Variants in PCDHA1 observed in about 807,000 individuals in gnomAD.
PCDHA1 encodes the protein protocadherin alpha-1.
In PCDHA1, 42 loss-of-function variants were observed where a neutral mutation model predicts 61.3. The ratio of observed to expected loss-of-function variants is 0.69; its 90% CI spans 0.54 to 0.89. PCDHA1 has a LOEUF of 0.89. Ranked by LOEUF, PCDHA1 falls within the 40% of genes least tolerant of loss-of-function variation. The probability of loss-of-function intolerance (pLI) is 0.00; values close to 1 mark genes in which losing one functional copy is unlikely to be tolerated. For missense variants in PCDHA1, 1,256 were observed against 1,235.3 expected (o/e 1.02, Z -0.25); for synonymous variants, 610 against 553.8 (o/e 1.10, Z -1.43).
intron 1 of PCDHA1, among the ~76,000 whole-genome samples, chr5:140,909,595 A>G (rs1336934015): frequency 6.6e-6 from 1 of 151,976 alleles, no homozygotes; most frequent in Non-Finnish European, 1.5e-5. Context: ...TTGATTTACT[A>G]TTTTTCTAGG....
intron 1 of PCDHA1, among the ~76,000 whole-genome samples, chr5:140,911,208 G>A (rs1554194651): frequency 6.6e-6 from 1 of 152,154 alleles, no homozygotes; most frequent in Non-Finnish European, 1.5e-5. Flanking sequence ...TGCCACTACT[G>A]GGGATGAGAA....
At chr5:140,829,189 T>C in intron 1 of PCDHA1, 1 of 1,614,208 alleles carries the variant, frequency 6.2e-7, no homozygotes, top group Non-Finnish European at 8.5e-7. Context: ...CTCAATTTGG[T>C]ACTGTCATCG....
intron 1 of PCDHA1, among the ~76,000 whole-genome samples, chr5:140,940,745 T>C (rs1554213585): frequency 6.6e-6 from 1 of 152,260 alleles, no homozygotes; most frequent in Non-Finnish European, 1.5e-5. Flanking sequence ...CATATTTTTA[T>C]GTGTGCCAAC....
Position 140,797,149 on chromosome 5 carries a change from G to A in PCDHA1, c.2394+8465G>A, listed in dbSNP as rs781824511. The A allele has an allele frequency of 5.0e-6, 8 of 1,613,852 alleles. No individual in the cohort carries two copies. In the African/African-American group the frequency reaches 8.0e-5, roughly 16 times the overall value. On this transcript the variant is annotated intron_variant, in intron 1 of 3. Coordinates refer to ENST00000504120, the MANE Select transcript of PCDHA1 (RefSeq NM_018900.4). ...GCTGCGGTGCTCGGTGCCACCCACCGAGGGTGCGCGCGCGCCAGGAAAGCC... is the reference window on the plus strand; with the variant it reads ...GCTGCGGTGCTCGGTGCCACCCACCAAGGGTGCGCGCGCGCCAGGAAAGCC...
chr5:140,872,087 A>C (rs2053480826), intron 1 of PCDHA1, among the ~76,000 whole-genome samples: 2 of 152,304 alleles, frequency 1.3e-5, no homozygotes, highest in East Asian at 1.9e-4. Flanking sequence ...GTGCCACTGC[A>C]CTTAGTCCAT....
intron 1 of PCDHA1, among the ~76,000 whole-genome samples, chr5:140,910,128 T>C (rs2074896985): frequency 6.6e-6 from 1 of 152,238 alleles, no homozygotes; most frequent in African/African-American, 2.4e-5. Flanking sequence ...GTCTGTAAAC[T>C]GGTTTAAGTC....
intron 1 of PCDHA1, chr5:140,869,313 A>T: frequency 6.2e-7 from 1 of 1,613,736 alleles, no homozygotes. Context: ...CGTCCAAAAC[A>T]CATGGGGACC....
chr5:140,871,372 G>A lies in PCDHA1; in HGVS notation c.2394+82688G>A. 7 of 1,614,234 alleles carry A rather than the reference G, an allele frequency of 4.3e-6. No homozygotes were observed. The highest frequency in any genetic ancestry group is 5.9e-6 in the Non-Finnish European group (7 of 1,180,036). On this transcript the variant is annotated intron_variant, in intron 1 of 3. Coordinates refer to ENST00000504120, the MANE Select transcript of PCDHA1 (RefSeq NM_018900.4). Reference sequence around the variant, plus strand: ...ATACTCGCAGCAGAGGCGGCAGAGGGTGTGCTCTGAGGAGGGCCCACCTAA... The same window carrying A: ...ATACTCGCAGCAGAGGCGGCAGAGGATGTGCTCTGAGGAGGGCCCACCTAA...
intron 1 of PCDHA1, chr5:140,796,290 C>T (rs782667469): frequency 1.2e-6 from 2 of 1,614,020 alleles, no homozygotes; most frequent in South Asian, 1.1e-5. Flanking sequence ...CCAGCGTGTC[C>T]ATCGAGGTGG....
Position 141,010,230 on chromosome 5 carries a change from C to T in PCDHA1, c.*293C>T. The T allele has an allele frequency of 1.3e-6, 2 of 1,551,936 alleles. No homozygotes were observed. Among genetic ancestry groups the T allele is most frequent in the African/African-American group, 1.4e-5 (1 of 73,162 alleles). Reference sequence around the variant, plus strand: ...GCAAAGGAGAGGCTTCCCAGCCCCGCCAGTGAGAGGTTGGACTCTCTGCCC... The same window carrying T: ...GCAAAGGAGAGGCTTCCCAGCCCCGTCAGTGAGAGGTTGGACTCTCTGCCC... On this transcript the variant is annotated 3_prime_UTR_variant, in exon 4 of 4. Transcript: ENST00000504120.
At chr5:140,896,946 T>A (rs2065814718) in intron 1 of PCDHA1, among the ~76,000 whole-genome samples, 1 of 152,134 alleles carries the variant, frequency 6.6e-6, no homozygotes, top group Non-Finnish European at 1.5e-5. Context: ...GGAATGGCCA[T>A]TCCCTTAAAC....
intron 1 of PCDHA1, chr5:140,926,342 G>T (rs1238404747): frequency 6.6e-6 from 1 of 152,270 alleles, no homozygotes; most frequent in Admixed American, 6.5e-5. Flanking sequence ...GCCGGGACCC[G>T]ACGCGCGGCT....
intron 1 of PCDHA1, chr5:140,869,033 T>C (rs1161601594): frequency 6.5e-7 from 1 of 1,527,194 alleles, no homozygotes; most frequent in East Asian, 2.3e-5. Flanking sequence ...AACGAGATTT[T>C]TAACCTGAAA....
intron 1 of PCDHA1, among the ~76,000 whole-genome samples, chr5:140,954,247 A>T (rs782077145): frequency 2.6e-5 from 4 of 152,196 alleles, no homozygotes; most frequent in Non-Finnish European, 4.4e-5. Context: ...ATGAACATAC[A>T]CATGCAGGTA....
chr5:140,862,992 C>T (rs781974665), intron 1 of PCDHA1: 29 of 548,250 alleles, frequency 5.3e-5, no homozygotes, highest in South Asian at 3.7e-4. Context: ...AAGGTGCGCA[C>T]GGTGGACTCC....
rs542615615 is a variant in PCDHA1, at chr5:140,855,959, A to G, written c.2394+67275A>G. 8 of 1,399,890 alleles carry G rather than the reference A, an allele frequency of 5.7e-6. No homozygotes were observed. In the East Asian group the frequency reaches 1.1e-4, roughly 20 times the overall value. The allele number at this position is 1,399,890 out of a possible 1,614,324, so 86.7% of individuals were successfully genotyped here. On this transcript the variant is annotated intron_variant, in intron 1 of 3. Transcript: ENST00000504120. Reference sequence around the variant, plus strand: ...GAGATCTCAGCCATTTCGATAAAAAATAGATATAAGAAATAGGACAGAAAA... The same window carrying G: ...GAGATCTCAGCCATTTCGATAAAAAGTAGATATAAGAAATAGGACAGAAAA...
chr5:140,905,957 G>A (rs993962295), intron 1 of PCDHA1, among the ~76,000 whole-genome samples: 1 of 152,200 alleles, frequency 6.6e-6, no homozygotes, highest in South Asian at 2.1e-4. Context: ...CGATGTTCAA[G>A]GGGAGGAAGA....
intron 1 of PCDHA1, among the ~76,000 whole-genome samples, chr5:140,799,503 T>C (rs1762436994): frequency 6.6e-6 from 1 of 152,032 alleles, no homozygotes; most frequent in Admixed American, 6.5e-5. Context: ...TTTTCAGAAA[T>C]AATGCTTAAA....
chr5:140,883,973 G>A (rs782157297), intron 1 of PCDHA1: 45 of 1,612,722 alleles, frequency 2.8e-5, no homozygotes, highest in Non-Finnish European at 3.5e-5. Flanking sequence ...GCTGACGCCC[G>A]GGGCTGGCAG....
Sources: allele counts gnomAD v4.1 joint callset (sites outside exome capture counted in the v4.1 genomes callset), GRCh38; gene constraint gnomAD v4.1.1; transcripts MANE v1.5; gene names NCBI Gene and HGNC (gene_info 2026-07-23, HGNC 2026-07-21).